MUC5B: variants seen among roughly 807,000 people sequenced by gnomAD.
The protein encoded by MUC5B is mucin-5B.
Under a neutral mutation model 376.9 loss-of-function variants are expected in MUC5B, and 116 were observed. The observed-to-expected ratio is 0.31, with a 90% confidence interval of 0.26 to 0.36. MUC5B has a LOEUF of 0.36. Ranked by LOEUF, MUC5B falls within the 10% of genes least tolerant of loss-of-function variation. The pLI is 1.00. For missense variants in MUC5B, 7,165 were observed against 7,769.9 expected (o/e 0.92, Z 2.93); for synonymous variants, 3,517 against 3,390.9 (o/e 1.04, Z -1.29).
rs747777858 is a variant in MUC5B, at chr11:1,255,201, G to A, written c.15825G>A (p.Pro5275=). 4.2e-5 allele frequency: 50 copies of A among 1,188,980 alleles called. 1 individual carries two copies. Among genetic ancestry groups the A allele is most frequent in the Admixed American group, 3.5e-4 (13 of 37,560 alleles). The allele number at this position is 1,188,980 out of a possible 1,614,324, so 73.7% of individuals were successfully genotyped here. ...GTPPTASPAA[P]VSSTPTPTPC... ...CCCCCACTGCCAGCCCCGCAGCCCCGGTGTCTAGCACACCCACCCCCACCC... is the reference window on the plus strand; with the variant it reads ...CCCCCACTGCCAGCCCCGCAGCCCCAGTGTCTAGCACACCCACCCCCACCC... Residue 5275 remains proline, a synonymous_variant, in exon 36 of 49, where the codon CCG becomes CCA. Coordinates refer to ENST00000529681, the MANE Select transcript of MUC5B (RefSeq NM_002458.3).
chr11:1,238,481 G>A (rs991024293), intron 25 of MUC5B, among the ~76,000 whole-genome samples: 2 of 152,176 alleles, frequency 1.3e-5, no homozygotes, highest in Non-Finnish European at 2.9e-5. Context: ...GAGGGCAGAG[G>A]GTAAGCAGGG....
Position 1,256,740 on chromosome 11 carries a change from C to T in MUC5B, c.16206C>T (p.Asn5402=), listed in dbSNP as rs370130781. 68 of 1,552,130 alleles carry T rather than the reference C, an allele frequency of 4.4e-5. No homozygotes were observed. Among genetic ancestry groups the T allele is most frequent in the East Asian group, 1.7e-4 (7 of 40,880 alleles). The stretch of plus-strand genomic sequence containing the variant: ...GCCCTGAGGACCAGATCCTCTTCAA[C>T]GCACACATGGGCATCTGCGTGCAGG... ...CFCPEDQILF[N]AHMGICVQAC... Residue 5402 remains asparagine, a synonymous_variant, in exon 39 of 49, where the codon AAC becomes AAT. Coordinates refer to ENST00000529681, the MANE Select transcript of MUC5B (RefSeq NM_002458.3).
intron 23 of MUC5B, 96 bp downstream of exon 23, chr11:1,235,509 C>G: frequency 2.8e-6 from 3 of 1,057,990 alleles, no homozygotes; most frequent in Middle Eastern, 4.0e-4. Context: ...CCCACAGGTT[C>G]TCAGCAGTGT....
rs199991355 is a variant in MUC5B, at chr11:1,240,370, C to A, written c.3965C>A (p.Thr1322Lys). Residue 1322 changes from threonine to lysine, a missense_variant, in exon 30 of 49, where the codon ACG becomes AAG. Physicochemically the swap from Thr to Lys is moderately conservative, Grantham distance 78. This residue lies in a region of MUC5B where 517 missense variants were observed against 545.3 expected (regional missense o/e 0.95). Transcript: ENST00000529681. Reference protein sequence around the residue: ...TFTTAWVPHSTTSPALPVSTV... With the variant: ...TFTTAWVPHSKTSPALPVSTV... ...ACCACCGCCTGGGTCCCCCACTCCA[C>A]GACAAGTAAGCCCTGCCTGGCTCTC... The A allele has an allele frequency of 3.1e-6, 5 of 1,595,548 alleles. No individual in the cohort carries two copies. Among genetic ancestry groups the A allele is most frequent in the Middle Eastern group, 1.7e-4 (1 of 6,026 alleles).
Position 1,223,511 on chromosome 11 carries a change from G to A in MUC5B, c.70+318G>A, listed in dbSNP as rs1861806368. On this transcript the variant is annotated intron_variant, in intron 1 of 48. Transcript: ENST00000529681. ...GGGACAGGAGTGGGCAATGGGGGAG[G>A]GGGTCACAGCTGGGGGTCTCTCTGG... 3 of 447,524 alleles carry A rather than the reference G, an allele frequency of 6.7e-6. No individual in the cohort carries two copies. The East Asian group carries it at 1.4e-4, about 20-fold the overall frequency. The allele number at this position is 447,524 out of a possible 1,614,324, so 27.7% of individuals were successfully genotyped here.
chr11:1,254,717 G>A lies in MUC5B; in HGVS notation c.15501G>A (p.Val5167=), dbSNP rs563173866. The part of the protein sequence containing the change: ...EGLILFDQIP[V]SSGFSKNGVL... ...AGATCCTGTTTGACCAAATTCCGGT[G>A]AGCAGCGGTTTCAGCAAGAACGGCG... is the stretch of plus-strand genomic sequence containing the variant. Residue 5167 remains valine (V), a synonymous_variant, in exon 35 of 49, where the codon GTG becomes GTA. Coordinates refer to ENST00000529681, the MANE Select transcript of MUC5B (RefSeq NM_002458.3). 6 of 1,612,774 alleles carry A rather than the reference G, an allele frequency of 3.7e-6. No individual in the cohort carries two copies. In the East Asian group the frequency reaches 1.3e-4, roughly 36 times the overall value.
rs750003516 is a variant in MUC5B at position 1,244,420 on chromosome 11, T to G, written c.7540T>G (p.Ser2514Ala). The change falls in exon 31 of 49, where the codon TCC (serine) becomes GCC (alanine). Residue 2514 changes from serine (S) to alanine (A), a missense_variant. This residue lies in a region of MUC5B where 194 missense variants were observed against 268.5 expected (regional missense o/e 0.72). Transcript: ENST00000529681. ...TVTSSKATPF[S>A]SPGTATALPA... ...CACCAGCTCCAAAGCCACTCCCTTC[T>G]CCAGTCCAGGGACTGCAACCGCCCT... is the stretch of plus-strand genomic sequence containing the variant. 4 of 1,601,420 alleles carry G rather than the reference T, an allele frequency of 2.5e-6. No individual in the cohort carries two copies. In the Middle Eastern group the frequency reaches 8.4e-4, roughly 337 times the overall value.
chr11:1,243,418 T>A lies in MUC5B; in HGVS notation c.6538T>A (p.Ser2180Thr). ...AATSNTVTPS[S>T]ALGTTHTPPV... ...CACCAGCAACACAGTGACTCCCTCC[T>A]CTGCCCTAGGGACCACCCACACACC... The change falls in exon 31 of 49, where the codon TCT becomes ACT. Residue 2180 changes from serine (S) to threonine (T), a missense_variant. By Grantham distance (58) the Ser-to-Thr change is moderately conservative. Transcript: ENST00000529681. 11 of 1,503,300 alleles carry A rather than the reference T, an allele frequency of 7.3e-6. No individual in the cohort carries two copies. Among genetic ancestry groups the A allele is most frequent in the Non-Finnish European group, 9.9e-6 (11 of 1,107,516 alleles). 93.1% of individuals were successfully genotyped at this position (1,503,300 alleles called of 1,614,324 possible). A position where few individuals can be genotyped will look rare whatever the true frequency, so the allele number is the denominator to read the frequency against.
At chr11:1,229,043 C>A in intron 8 of MUC5B, 127 bp from the exon 9 acceptor site, 1 of 1,216,602 alleles carries the variant, frequency 8.2e-7, no homozygotes, top group Non-Finnish European at 1.1e-6. Context: ...GTCAGGGCCA[C>A]CCTGGGGCCT....
Position 1,233,827 on chromosome 11 carries a change from G to T in MUC5B, c.2356G>T (p.Ala786Ser), listed in dbSNP as rs904323068. Residue 786 changes from alanine to serine, a missense_variant, in exon 19 of 49, where the codon GCC becomes TCC. Physicochemically the swap from Ala to Ser is moderately conservative, Grantham distance 99. Around this residue, in one of 31 missense-constraint regions of MUC5B, gnomAD observed 530 missense variants for 604.0 expected, o/e 0.88. Transcript: ENST00000529681. ...CTGGKLSCLG[A>S]SLQKSTGCAA... ...GGGTGGGAAGCTAAGCTGCCTGGGA[G>T]CCTCTCTGCAGAAAAGCACAGGTAA... is the stretch of plus-strand genomic sequence containing the variant. 6.2e-6 allele frequency: 10 copies of T among 1,605,062 alleles called. No homozygotes were observed. The highest frequency in any genetic ancestry group is 8.5e-6 in the Non-Finnish European group (10 of 1,176,442).
chr11:1,258,810 C>G lies in MUC5B; in HGVS notation c.16594-132C>G, dbSNP rs1862917326. ...AGCTCCCTGCCTGCCTGGGTCCATG[C>G]TCAGCCAGGGGTGCATCTATGCTCC... is the stretch of plus-strand genomic sequence containing the variant. On this transcript the variant is annotated intron_variant, in intron 43 of 48. Transcript: ENST00000529681. The surrounding 1 kb of genome is among the most constrained non-coding windows in gnomAD (Gnocchi z 5.5). 5 of 1,305,000 alleles carry G rather than the reference C, an allele frequency of 3.8e-6. No individual in the cohort carries two copies. The highest frequency in any genetic ancestry group is 5.2e-6 in the Non-Finnish European group (5 of 961,136). 80.8% of individuals were successfully genotyped at this position (1,305,000 alleles called of 1,614,324 possible).
rs370952910 is a variant in MUC5B at position 1,247,532 on chromosome 11, C to T, written c.10652C>T (p.Ser3551Leu). Residue 3551 changes from serine (S) to leucine (L), a missense_variant, in exon 31 of 49, where the codon TCG becomes TTG. This residue lies in a region of MUC5B where 939 missense variants were observed against 770.6 expected (regional missense o/e 1.22). Transcript: ENST00000529681. The stretch of plus-strand genomic sequence containing the variant: ...GCCACACCCAGCAAGACCCGCACCT[C>T]GACCCTGCTGCCCAGCAGCCCCACA... ...ATATPSKTRTSTLLPSSPTSA... is the reference protein window; with the variant it reads ...ATATPSKTRTLTLLPSSPTSA... The T allele has an allele frequency of 1.1e-5, 17 of 1,610,836 alleles. 1 individual carries two copies. The highest frequency in any genetic ancestry group is 2.2e-5 in the South Asian group (2 of 90,946).
At position 1,250,934 on chromosome 11, in the gene MUC5B, C is replaced by G. The variant is rs1363814468; in HGVS notation, c.14054C>G (p.Thr4685Ser). 3.1e-6 allele frequency: 5 copies of G among 1,604,180 alleles called. No individual in the cohort carries two copies. The highest frequency in any genetic ancestry group is 1.1e-5 in the South Asian group (1 of 90,370). ...GTPPSLTTTA[T>S]TITATGSTTN... ...CCCCCATCACTGACCACCACGGCCA[C>G]TACGATCACGGCCACCGGCTCCACC... Residue 4685 changes from threonine to serine, a missense_variant, in exon 31 of 49, where the codon ACT (threonine) becomes AGT (serine). Physicochemically the swap from Thr to Ser is moderately conservative, Grantham distance 58 (BLOSUM62 1). Around this residue, in one of 31 missense-constraint regions of MUC5B, gnomAD observed 730 missense variants for 592.7 expected, o/e 1.23. Transcript: ENST00000529681.
In MUC5B at chr11:1,261,442, G is replaced by A. The variant is rs755880387; in HGVS notation, c.17123G>A (p.Arg5708Lys). ...MQHQCTCCQERRVHEETVPLH... is the reference protein window; with the variant it reads ...MQHQCTCCQEKRVHEETVPLH... ...CACCAGTGCACCTGCTGCCAGGAGA[G>A]GCGGGTCCACGAGGAGACGGTGCCC... Residue 5708 changes from arginine (R) to lysine (K), a missense_variant, in exon 49 of 49, where the codon AGG becomes AAG. Arg to Lys is a conservative substitution (Grantham distance 26). Coordinates refer to ENST00000529681, the MANE Select transcript of MUC5B (RefSeq NM_002458.3). 2.5e-5 allele frequency: 39 copies of A among 1,547,152 alleles called. No individual in the cohort carries two copies. The highest frequency in any genetic ancestry group is 2.0e-5 in the Admixed American group (1 of 51,024).
In MUC5B at chr11:1,250,067, C is replaced by G; in HGVS notation, c.13187C>G (p.Thr4396Ser). The change falls in exon 31 of 49, where the codon ACC becomes AGC. Residue 4396 changes from threonine (T) to serine (S), a missense_variant. By Grantham distance (58) the Thr-to-Ser change is moderately conservative. Transcript: ENST00000529681. ...PGTTWILTELTTAATTTAATG... is the reference protein window; with the variant it reads ...PGTTWILTELSTAATTTAATG... ...ACGACCTGGATCCTCACAGAGCTGA[C>G]CACAGCAGCCACTACAACTGCAGCC... 1 of 1,595,530 alleles carries G rather than the reference C, an allele frequency of 6.3e-7. No homozygotes were observed. The highest frequency in any genetic ancestry group is 2.3e-5 in the East Asian group (1 of 43,768).
Position 1,247,279 on chromosome 11 carries a change from G to A in MUC5B, c.10399G>A (p.Val3467Met), listed in dbSNP as rs554208860. 1 of 1,611,934 alleles carries A rather than the reference G, an allele frequency of 6.2e-7. No homozygotes were observed. Among genetic ancestry groups the A allele is most frequent in the African/African-American group, 1.3e-5 (1 of 74,886 alleles). Residue 3467 changes from valine (V) to methionine (M), a missense_variant, in exon 31 of 49, where the codon GTG (valine) becomes ATG (methionine). Val to Met is a conservative substitution (Grantham distance 21). Coordinates refer to ENST00000529681, the MANE Select transcript of MUC5B (RefSeq NM_002458.3). Reference sequence around the variant, plus strand: ...CCTGCCCCCCAGCAGTCCCCACACGGTGCGCACAGCCTGGACTTCGGCCAC... The same window carrying A: ...CCTGCCCCCCAGCAGTCCCCACACGATGCGCACAGCCTGGACTTCGGCCAC... ...RSLPPSSPHT[V>M]RTAWTSATSG...
At chr11:1,233,735 G>A in intron 18 of MUC5B, 58 bp from the exon 19 acceptor site, 1 of 1,536,834 alleles carries the variant, frequency 6.5e-7, no homozygotes, top group Non-Finnish European at 8.8e-7. Context: ...GGAAGCCCGG[G>A]GGTGGGGTCT....
rs771116376 is a variant in MUC5B at position 1,255,476 on chromosome 11, C to T, written c.15984C>T (p.Cys5328=). 1 of 1,588,328 alleles carries T rather than the reference C, an allele frequency of 6.3e-7. No individual in the cohort carries two copies. The highest frequency in any genetic ancestry group is 1.1e-5 in the South Asian group (1 of 87,488). The stretch of plus-strand genomic sequence containing the variant: ...GCAGGGGCCGCCTTGAGGTGCCCTG[C>T]CAGAGCCTGGAGGCTTACGCAGAGC... The part of the protein sequence containing the change: ...DHCRGRLEVP[C]QSLEAYAELC... The change falls in exon 37 of 49, where the codon TGC becomes TGT. Residue 5328 remains cysteine, a synonymous_variant. Coordinates refer to ENST00000529681, the MANE Select transcript of MUC5B (RefSeq NM_002458.3).
At position 1,247,656 on chromosome 11, in the gene MUC5B, C is replaced by A. The variant is rs368451919; in HGVS notation, c.10776C>A (p.Gly3592=). The change falls in exon 31 of 49, where the codon GGC becomes GGA. Residue 3592 remains glycine (G), a synonymous_variant. Transcript: ENST00000529681. ...GCTACCCCATGCCGGGGCCCTCTGG[C>A]GGGGACTTTGACACCTACTCCAACA... The part of the protein sequence containing the change: ...DYSYPMPGPS[G]GDFDTYSNIR... 2 of 1,597,806 alleles carry A rather than the reference C, an allele frequency of 1.3e-6. No individual in the cohort carries two copies. The highest frequency in any genetic ancestry group is 4.5e-5 in the East Asian group (2 of 44,600).
Sources: gnomAD v4.1 joint callset for allele counts (sites outside exome capture counted in the v4.1 genomes callset) on GRCh38, gnomAD v4.1.1 for gene constraint, gnomAD v4.1.1 regional missense constraint, Gnocchi (gnomAD v3.1) non-coding constraint, MANE v1.5 for transcripts, NCBI Gene and HGNC (gene_info 2026-07-23, HGNC 2026-07-21) for gene names.